Variants in COX7B2 observed in about 807,000 individuals in gnomAD.
COX7B2 encodes the protein cytochrome c oxidase subunit 7B2.
For missense variants in COX7B2, 109 were observed against 95.9 expected (o/e 1.14, Z -0.57); for synonymous variants, 37 against 32.1 (o/e 1.15, Z -0.51).
intron 2 of COX7B2, among the ~76,000 whole-genome samples, chr4:46,829,186 T>A (rs141968094): frequency 6.6e-6 from 1 of 152,158 alleles, no homozygotes; most frequent in East Asian, 1.9e-4. Flanking sequence ...ATGGTGTATG[T>A]GATACTGCCC....
chr4:46,881,008 A>AAATAAAATAAAAAAT (rs1560435069), intron 1 of COX7B2, among the ~76,000 whole-genome samples: 8 of 151,518 alleles, frequency 5.3e-5, no homozygotes, highest in Admixed American at 3.3e-4. Context: ...AAAAAAAAAA[A>AAATAAAATAAAAAAT]AAACTCTTGG....
At chr4:46,813,805 T>A (rs1247264349) in intron 2 of COX7B2, among the ~76,000 whole-genome samples, 2 of 152,092 alleles carry the variant, frequency 1.3e-5, no homozygotes, top group African/African-American at 4.8e-5. Context: ...TGACCAGCAG[T>A]TAATACCCAG....
chr4:46,843,497 A>G (rs1716073844), intron 2 of COX7B2, among the ~76,000 whole-genome samples: 2 of 151,990 alleles, frequency 1.3e-5, no homozygotes, highest in Non-Finnish European at 2.9e-5. Flanking sequence ...CAGGTCTACT[A>G]AGGCAGATTC....
At chr4:46,793,032 T>G (rs1718132153) in intron 2 of COX7B2, among the ~76,000 whole-genome samples, 1 of 152,204 alleles carries the variant, frequency 6.6e-6, no homozygotes, top group South Asian at 2.1e-4. Flanking sequence ...AAAACACGGC[T>G]TGGCAGTCAA....
chr4:46,754,373 C>T (rs1170217788), intron 2 of COX7B2, among the ~76,000 whole-genome samples: 3 of 151,212 alleles, frequency 2.0e-5, no homozygotes, highest in Non-Finnish European at 4.4e-5. Context: ...CCATGGAATA[C>T]TATGCAGCCA....
In COX7B2 at chr4:46,808,883, T is replaced by A. The variant is rs145802269; in HGVS notation, c.-50+36077A>T. 1.1e-4 allele frequency among the ~76,000 whole-genome samples: 17 copies of A among 152,002 alleles called. No individual in the cohort carries two copies. In the East Asian group the frequency reaches 3.1e-3, roughly 28 times the overall value. ...ACCAGCCTTGCATGCCAGGGATAAA[T>A]CTCATTCTGTCACGATCTTTTTGAT... On this transcript the variant is annotated intron_variant, in intron 2 of 2. Coordinates refer to ENST00000355591, the MANE Select transcript of COX7B2 (RefSeq NM_130902.3).
intron 1 of COX7B2, among the ~76,000 whole-genome samples, chr4:46,868,979 C>G (rs2109818503): frequency 6.6e-6 from 1 of 152,262 alleles, no homozygotes; most frequent in East Asian, 1.9e-4. Flanking sequence ...GTGTTACAGT[C>G]TCCCATTATT....
intron 1 of COX7B2, among the ~76,000 whole-genome samples, chr4:46,850,763 A>T (rs1716623657): frequency 6.6e-6 from 1 of 152,094 alleles, no homozygotes; most frequent in African/African-American, 2.4e-5. Flanking sequence ...GCCTGCCAAT[A>T]CTATGCTCAG....
chr4:46,751,834 T>C (rs1357019714), intron 2 of COX7B2, among the ~76,000 whole-genome samples: 1 of 151,688 alleles, frequency 6.6e-6, no homozygotes, highest in Non-Finnish European at 1.5e-5. Context: ...AGTAGTATAG[T>C]TTGAAGCCAG....
intron 2 of COX7B2, among the ~76,000 whole-genome samples, chr4:46,811,542 A>G (rs1216071305): frequency 1.3e-5 from 2 of 152,064 alleles, no homozygotes; most frequent in Non-Finnish European, 2.9e-5. Flanking sequence ...TTGTTTTCCT[A>G]ATTACACTGA....
chr4:46,785,498 G>A (rs1419238473), intron 2 of COX7B2, among the ~76,000 whole-genome samples: 9 of 151,656 alleles, frequency 5.9e-5, no homozygotes, highest in South Asian at 2.1e-4. Flanking sequence ...TCAGCCTCCC[G>A]AGTAGCTGGG....
chr4:46,851,699 C>T (rs1259491071), intron 1 of COX7B2, among the ~76,000 whole-genome samples: 1 of 152,034 alleles, frequency 6.6e-6, no homozygotes, highest in African/African-American at 2.4e-5. Flanking sequence ...CTTCCCTTTT[C>T]TTTAATGACC....
intron 2 of COX7B2, among the ~76,000 whole-genome samples, chr4:46,759,585 A>T (rs551262246): frequency 3.9e-5 from 6 of 152,040 alleles, no homozygotes; most frequent in Admixed American, 2.0e-4. Context: ...GCCAACAAAC[A>T]TATGAAAAAA....
intron 1 of COX7B2, among the ~76,000 whole-genome samples, chr4:46,894,052 T>C (rs1719602227): frequency 6.6e-6 from 1 of 152,136 alleles, no homozygotes; most frequent in Non-Finnish European, 1.5e-5. Flanking sequence ...TACTCATGAA[T>C]ATGAAGAACC....
At chr4:46,780,617 G>C (rs1717397609) in intron 2 of COX7B2, among the ~76,000 whole-genome samples, 1 of 152,196 alleles carries the variant, frequency 6.6e-6, no homozygotes, top group African/African-American at 2.4e-5. Context: ...GCAGACATTT[G>C]GTTCCCTAAG....
rs549886159 is a variant in COX7B2, at chr4:46,796,303, T to C, written c.-50+48657A>G. 4.0e-4 allele frequency among the ~76,000 whole-genome samples: 59 copies of C among 147,964 alleles called. 1 individual carries two copies. In the Middle Eastern group the frequency reaches 0.01, roughly 26 times the overall value. On this transcript the variant is annotated intron_variant, in intron 2 of 2. Transcript: ENST00000355591. ...CGGTTTTCAAAGGGAATGCTTCCAG[T>C]TTTTGCCCATTTATGCAGCCAAAAA...
In COX7B2 at chr4:46,820,821, CAAA is replaced by C. The variant is rs754039038; in HGVS notation, c.-50+24136_-50+24138del. Among the ~76,000 whole-genome samples, 1,033 of 137,764 alleles carry C rather than the reference CAAA, an allele frequency of 7.5e-3. 16 individuals are homozygous for C. The highest frequency in any genetic ancestry group is 0.026 in the African/African-American group (956 of 37,046). 90.4% of individuals were successfully genotyped at this position (137,764 alleles called of 152,430 possible). The stretch of plus-strand genomic sequence containing the variant: ...GGACAAAAAAAGCAAAACTCCATCT[CAAA>C]AAAAAAAAAAATATATATATATATA... On this transcript the variant is annotated intron_variant, in intron 2 of 2. Coordinates refer to ENST00000355591, the MANE Select transcript of COX7B2 (RefSeq NM_130902.3).
chr4:46,745,166 A>T (rs752465594), intron 2 of COX7B2, among the ~76,000 whole-genome samples: 1 of 152,228 alleles, frequency 6.6e-6, no homozygotes, highest in Non-Finnish European at 1.5e-5. Flanking sequence ...ACCCATTTAG[A>T]TTGGAATATT....
At chr4:46,814,393 G>T (rs1245309467) in intron 2 of COX7B2, among the ~76,000 whole-genome samples, 1 of 152,178 alleles carries the variant, frequency 6.6e-6, no homozygotes, top group East Asian at 1.9e-4. Flanking sequence ...CCAGGAAAAA[G>T]TGATCCATAA....
Sources: gnomAD v4.1 joint callset for allele counts (sites outside exome capture counted in the v4.1 genomes callset) on GRCh38, gnomAD v4.1.1 for gene constraint, MANE v1.5 for transcripts, NCBI Gene and HGNC (gene_info 2026-07-23, HGNC 2026-07-21) for gene names.